Variants in PPP6R2 observed in about 807,000 individuals in gnomAD.
PPP6R2 encodes serine/threonine-protein phosphatase 6 regulatory subunit 2.
Under a neutral mutation model 100.2 loss-of-function variants are expected in PPP6R2, and 62 were observed. That is an observed-to-expected ratio of 0.62 (90% CI 0.50 to 0.76). PPP6R2 has a LOEUF of 0.76. Among genes scored for constraint, PPP6R2 ranks in the 30% least tolerant of loss-of-function variants. PPP6R2 has a pLI of 0.00. For missense variants in PPP6R2, 1,142 were observed against 1,276.3 expected, an observed-to-expected ratio of 0.89 and a Z score of 1.60; for synonymous variants, 525 against 514.7, an observed-to-expected ratio of 1.02 and a Z score of -0.27.
At chr22:50,337,363 G>C in the PPP6R2 span, among the ~76,000 whole-genome samples, 1 of 138,858 alleles carries the variant, frequency 7.2e-6, no homozygotes, top group Non-Finnish European at 1.6e-5. Context: ...GTGTGGGTGT[G>C]TGTGTGCTGT....
chr22:50,337,161 C>T, the PPP6R2 span, among the ~76,000 whole-genome samples: 8 of 137,134 alleles, frequency 5.8e-5, no homozygotes, highest in Non-Finnish European at 9.4e-5. Flanking sequence ...TGTGTGTGTG[C>T]GATGTGTGGT....
Position 50,440,008 on chromosome 22 carries a change from G to T in PPP6R2, c.2333G>T (p.Ser778Ile). Residue 778 changes from serine (S) to isoleucine (I), a missense_variant, in exon 21 of 24, where the codon AGC becomes ATC. By Grantham distance (142) the Ser-to-Ile change is moderately radical (BLOSUM62 -2). This residue lies in a region of PPP6R2 where 550 missense variants were observed against 517.4 expected (regional missense o/e 1.06). Transcript: ENST00000612753. ...RCSSPVDTEC[S>I]HAEGSRSQGP... ...AGCTCTCCGGTGGACACAGAATGCA[G>T]CCATGCTGAGGGCAGCCGGAGCCAA... 6.2e-7 allele frequency: 1 copy of T among 1,613,520 alleles called. No individual in the cohort carries two copies. The highest frequency in any genetic ancestry group is 8.5e-7 in the Non-Finnish European group (1 of 1,179,952).
Position 50,381,014 on chromosome 22 carries a change from C to T in PPP6R2, c.-17+8864C>T, listed in dbSNP as rs2052792136. On this transcript the variant is annotated intron_variant, in intron 2 of 23. Coordinates refer to ENST00000612753, the MANE Select transcript of PPP6R2 (RefSeq NM_001242898.2). Reference sequence around the variant, plus strand: ...AAAAAAAAAAAAAAAATTAGCTGGGCGAGGCAGGAGAATCACTTGAACCTG... The same window carrying T: ...AAAAAAAAAAAAAAAATTAGCTGGGTGAGGCAGGAGAATCACTTGAACCTG... Among the ~76,000 whole-genome samples, 3 of 142,250 alleles carry T rather than the reference C, an allele frequency of 2.1e-5. No homozygotes were observed. The Admixed American group carries it at 2.2e-4, about 10-fold the overall frequency. The allele number at this position is 142,250 out of a possible 152,430, so 93.3% of individuals were successfully genotyped here. A position where few individuals can be genotyped will look rare whatever the true frequency, so the allele number is the denominator to read the frequency against.
intron 2 of PPP6R2, among the ~76,000 whole-genome samples, chr22:50,392,604 C>T (rs2055865241): frequency 6.6e-6 from 1 of 152,184 alleles, no homozygotes; most frequent in African/African-American, 2.4e-5. Flanking sequence ...GTGCCATCTG[C>T]ATGGGAAGAA....
chr22:50,347,939 A>G (rs1158437931), intron 1 of PPP6R2, among the ~76,000 whole-genome samples: 1 of 152,122 alleles, frequency 6.6e-6, no homozygotes, highest in Non-Finnish European at 1.5e-5. Context: ...ATAGGTGTAT[A>G]TATCTCTCCC....
In PPP6R2 at chr22:50,437,614, T is replaced by A; in HGVS notation, c.1781+11T>A. 1 of 1,590,772 alleles carries A rather than the reference T, an allele frequency of 6.3e-7. No homozygotes were observed. Among genetic ancestry groups the A allele is most frequent in the Non-Finnish European group, 8.6e-7 (1 of 1,158,838 alleles). Reference sequence around the variant, plus strand: ...GGACGACAACATCAAGTGAGTCTACTTGGAGCGCACTCTGCACGAGGCGCG... The same window carrying A: ...GGACGACAACATCAAGTGAGTCTACATGGAGCGCACTCTGCACGAGGCGCG... On this transcript the variant is annotated intron_variant, in intron 16 of 23. Transcript: ENST00000612753.
upstream of PPP6R2, among the ~76,000 whole-genome samples, chr22:50,341,782 C>T (rs2042415053): frequency 6.6e-6 from 1 of 152,092 alleles, no homozygotes; most frequent in East Asian, 1.9e-4. Context: ...ATCACGAGGT[C>T]AGGAGATCAA....
chr22:50,438,134 C>G (rs368570982), intron 17 of PPP6R2, 40 bp from the exon 18 acceptor site: 126 of 1,590,998 alleles, frequency 7.9e-5, no homozygotes, highest in Non-Finnish European at 1.0e-4. Flanking sequence ...CTGTCTCCCC[C>G]AGACCCTCTG....
intron 2 of PPP6R2, among the ~76,000 whole-genome samples, chr22:50,376,468 G>A (rs1252489019): frequency 2.6e-5 from 4 of 152,164 alleles, no homozygotes; most frequent in Non-Finnish European, 5.9e-5. Context: ...CTAGGCTGGA[G>A]TTGGAGTACA....
chr22:50,435,049 C>A lies in PPP6R2; in HGVS notation c.1484C>A (p.Pro495His). ...GTGGTGCAGAACCTGGAGCGGGGCC[C>A]TGTGCAGACGCACATCAGCGAGGTC... Reference protein sequence around the residue: ...NAVVQNLERGPVQTHISEVIR... With the variant: ...NAVVQNLERGHVQTHISEVIR... Residue 495 changes from proline to histidine, a missense_variant, in exon 13 of 24, where the codon CCT (proline) becomes CAT (histidine). By Grantham distance (77) the Pro-to-His change is moderately conservative (BLOSUM62 -2). This residue lies in a region of PPP6R2 where 592 missense variants were observed against 758.9 expected (regional missense o/e 0.78). Transcript: ENST00000612753. The A allele has an allele frequency of 1.3e-6, 2 of 1,592,120 alleles. No homozygotes were observed. Among genetic ancestry groups the A allele is most frequent in the Non-Finnish European group, 1.7e-6 (2 of 1,168,182 alleles).
chr22:50,354,149 A>T (rs965600894), intron 1 of PPP6R2, among the ~76,000 whole-genome samples: 2 of 151,900 alleles, frequency 1.3e-5, no homozygotes, highest in Non-Finnish European at 2.9e-5. Context: ...TACTAAAAAT[A>T]CAAAAATTAG....
chr22:50,441,685 G>A (rs1477567760), intron 22 of PPP6R2, among the ~76,000 whole-genome samples: 1 of 152,142 alleles, frequency 6.6e-6, no homozygotes. Context: ...CCATCCCTGG[G>A]GAGAGAGTGG....
chr22:50,408,852 C>T (rs916387266), intron 4 of PPP6R2, among the ~76,000 whole-genome samples: 4 of 152,200 alleles, frequency 2.6e-5, no homozygotes, highest in South Asian at 2.1e-4. Context: ...CGGTGGCTCA[C>T]GCCTGTAATC....
the PPP6R2 span, among the ~76,000 whole-genome samples, chr22:50,335,218 A>AT: frequency 1.8e-3 from 179 of 101,664 alleles, no homozygotes; most frequent in Middle Eastern, 5.7e-3. Context: ...CACCCGGCTA[A>AT]TTTTTTTTTT....
intron 22 of PPP6R2, chr22:50,443,386 C>T (rs1018370759): frequency 8.2e-5 from 13 of 158,690 alleles, no homozygotes; most frequent in Non-Finnish European, 1.7e-4. Context: ...ACAGTGTCGT[C>T]GCCCTGCAGG....
chr22:50,391,174 C>T (rs1411874133), intron 2 of PPP6R2, among the ~76,000 whole-genome samples: 1 of 151,826 alleles, frequency 6.6e-6, no homozygotes, highest in East Asian at 1.9e-4. Flanking sequence ...TGGCTCACAC[C>T]TGTAATCCCA....
At chr22:50,352,905 A>G (rs2045642059) in intron 1 of PPP6R2, among the ~76,000 whole-genome samples, 1 of 152,070 alleles carries the variant, frequency 6.6e-6, no homozygotes, top group South Asian at 2.1e-4. Context: ...CATCGCTACA[A>G]AATAAAAGTT....
intron 2 of PPP6R2, among the ~76,000 whole-genome samples, chr22:50,381,893 G>A (rs1457612660): frequency 6.7e-6 from 1 of 148,408 alleles, no homozygotes; most frequent in African/African-American, 2.5e-5. Flanking sequence ...GGGTGACAGA[G>A]CGAGACTCCG....
At chr22:50,418,529 G>A (rs2060858000) in intron 6 of PPP6R2, among the ~76,000 whole-genome samples, 1 of 151,998 alleles carries the variant, frequency 6.6e-6, no homozygotes, top group South Asian at 2.1e-4. Context: ...TGGGACTACA[G>A]GCACCCGCCA....
Sources: gnomAD v4.1 joint callset for allele counts (sites outside exome capture counted in the v4.1 genomes callset) on GRCh38, gnomAD v4.1.1 for gene constraint, gnomAD v4.1.1 regional missense constraint, MANE v1.5 for transcripts, NCBI Gene and HGNC (gene_info 2026-07-23, HGNC 2026-07-21) for gene names.